The following HVCN1 variants were observed in gnomAD, a reference collection of about 807,000 sequenced individuals.
The protein encoded by HVCN1 is hydrogen voltage gated channel 1.
In HVCN1, 14 loss-of-function variants were observed where a neutral mutation model predicts 29.2. The ratio of observed to expected loss-of-function variants is 0.48; its 90% CI spans 0.32 to 0.75. The LOEUF is 0.75. Among genes scored for constraint, HVCN1 ranks in the 30% least tolerant of loss-of-function variants. HVCN1 has a pLI of 0.04. For missense variants in HVCN1, 263 were observed against 341.8 expected (o/e 0.77, Z 1.82); for synonymous variants, 131 against 133.2 (o/e 0.98, Z 0.11).
intron 2 of HVCN1, among the ~76,000 whole-genome samples, chr12:110,699,938 G>A (rs138073901): frequency 4.0e-5 from 6 of 151,874 alleles, no homozygotes; most frequent in Non-Finnish European, 8.8e-5. Flanking sequence ...GGGACCCCCC[G>A]CTCTGCCAGG....
At chr12:110,690,283 T>G (rs576536266), upstream of HVCN1, among the ~76,000 whole-genome samples, 105 of 152,320 alleles carry the variant, frequency 6.9e-4, no homozygotes, top group Non-Finnish European at 1.4e-3. Context: ...TAATCCAGGC[T>G]AATCTCTCCA....
chr12:110,663,377 AG>A (rs2068240140), intron 3 of HVCN1, among the ~76,000 whole-genome samples: 1 of 152,052 alleles, frequency 6.6e-6, no homozygotes, highest in Admixed American at 6.5e-5. Context: ...CTGAGGTGGG[AG>A]GATTGCTTGA....
chr12:110,675,768 T>G (rs1441574990), intron 3 of HVCN1, among the ~76,000 whole-genome samples: 1 of 150,656 alleles, frequency 6.6e-6, no homozygotes, highest in Admixed American at 6.6e-5. Context: ...TAGCTGGGGG[T>G]GGTGGTGGTG....
upstream of HVCN1, among the ~76,000 whole-genome samples, chr12:110,691,074 T>A (rs541495680): frequency 1.3e-5 from 2 of 148,900 alleles, no homozygotes; most frequent in Non-Finnish European, 3.0e-5. Flanking sequence ...CTTTCTTTTT[T>A]CTTTTTGAGG....
At chr12:110,677,900 AC>A (rs926649187) in intron 3 of HVCN1, among the ~76,000 whole-genome samples, 14 of 151,922 alleles carry the variant, frequency 9.2e-5, no homozygotes, top group Non-Finnish European at 1.9e-4. Context: ...AGGGTTAGGA[AC>A]CCTCCTGCCT....
chr12:110,675,642 A>T (rs1027711826), intron 3 of HVCN1, among the ~76,000 whole-genome samples: 1 of 152,160 alleles, frequency 6.6e-6, no homozygotes, highest in Admixed American at 6.5e-5. Context: ...GTGGTGGCTC[A>T]TGCCTGTAAT....
chr12:110,659,750 C>G (rs2068102385), intron 4 of HVCN1, among the ~76,000 whole-genome samples: 3 of 151,850 alleles, frequency 2.0e-5, no homozygotes, highest in Admixed American at 2.0e-4. Flanking sequence ...AAGATCCCAT[C>G]TCTTAAAAAA....
At chr12:110,680,962 T>C (rs1266481209) in intron 3 of HVCN1, among the ~76,000 whole-genome samples, 1 of 152,038 alleles carries the variant, frequency 6.6e-6, no homozygotes, top group Non-Finnish European at 1.5e-5. Context: ...CAGCAGACAA[T>C]TTTCTATCTT....
At chr12:110,672,048 T>C (rs2068592496) in intron 3 of HVCN1, among the ~76,000 whole-genome samples, 1 of 152,144 alleles carries the variant, frequency 6.6e-6, no homozygotes, top group Non-Finnish European at 1.5e-5. Context: ...GTTCCTTTCA[T>C]CTTTTGAAAA....
At chr12:110,688,572 C>A (rs777439906) in intron 2 of HVCN1, 53 bp downstream of exon 2, 2 of 152,262 alleles carry the variant, frequency 1.3e-5, no homozygotes, top group Admixed American at 6.6e-5. Flanking sequence ...TACAATCTCC[C>A]GGGAGGGCAG....
chr12:110,662,360 TA>T (rs1019041258), intron 3 of HVCN1, among the ~76,000 whole-genome samples: 4 of 152,196 alleles, frequency 2.6e-5, no homozygotes, highest in African/African-American at 9.6e-5. Flanking sequence ...TACAGGCCAG[TA>T]ACTTCATGAG....
At chr12:110,671,698 G>A (rs1283008502) in intron 3 of HVCN1, among the ~76,000 whole-genome samples, 1 of 152,200 alleles carries the variant, frequency 6.6e-6, no homozygotes, top group Non-Finnish European at 1.5e-5. Context: ...ACTCCAAGGA[G>A]AAAGCCGACT....
intron 5 of HVCN1, 63 bp downstream of exon 5, chr12:110,655,171 G>T (rs150376768): frequency 8.0e-7 from 1 of 1,247,774 alleles, no homozygotes; most frequent in Non-Finnish European, 1.2e-6. Flanking sequence ...TCTGCACCCC[G>T]TCTGTGCAGA....
At chr12:110,679,323 CCA>C (rs1246327267) in intron 3 of HVCN1, among the ~76,000 whole-genome samples, 1 of 152,176 alleles carries the variant, frequency 6.6e-6, no homozygotes. Context: ...GCAGGGATTT[CCA>C]CACACACCTG....
At chr12:110,684,943 AT>A (rs928542752) in intron 2 of HVCN1, among the ~76,000 whole-genome samples, 6 of 151,388 alleles carry the variant, frequency 4.0e-5, no homozygotes, top group African/African-American at 1.5e-4. Context: ...CTTTTATTTT[AT>A]TTTTTTTGTA....
upstream of HVCN1, among the ~76,000 whole-genome samples, chr12:110,691,210 C>A (rs1457884342): frequency 6.6e-6 from 1 of 152,072 alleles, no homozygotes; most frequent in Admixed American, 6.6e-5. Context: ...CTACAGGCGC[C>A]CGCCACCACG....
At chr12:110,701,240 C>T (rs141601474) in intron 2 of HVCN1, among the ~76,000 whole-genome samples, 5 of 152,348 alleles carry the variant, frequency 3.3e-5, no homozygotes, top group African/African-American at 1.2e-4. Flanking sequence ...AGGTAGAGCG[C>T]TCCAGCCTGT....
intron 3 of HVCN1, among the ~76,000 whole-genome samples, chr12:110,664,804 C>T (rs186018903): frequency 9.9e-5 from 15 of 152,146 alleles, no homozygotes; most frequent in Non-Finnish European, 2.2e-4. Context: ...TCCTAAACAT[C>T]GTGTGTGTGG....
Position 110,667,795 on chromosome 12 carries a change from G to A in HVCN1, c.22-6347C>T, listed in dbSNP as rs574492089. Among the ~76,000 whole-genome samples, 12 of 152,320 alleles carry A rather than the reference G, an allele frequency of 7.9e-5. No homozygotes were observed. In the South Asian group the frequency reaches 2.1e-3, roughly 26 times the overall value. ...GCAGCCTGTCCTATTTCTCAGTAGT[G>A]TGGGAACCTCAAGGTACTTTGCAAA... On this transcript the variant is annotated intron_variant, in intron 3 of 7. Transcript: ENST00000242607.
Sources: gnomAD v4.1 joint callset for allele counts (sites outside exome capture counted in the v4.1 genomes callset) on GRCh38, gnomAD v4.1.1 for gene constraint, MANE v1.5 for transcripts, NCBI Gene and HGNC (gene_info 2026-07-23, HGNC 2026-07-21) for gene names.